The following PAPSS2 variants were observed in gnomAD, a reference collection of about 807,000 sequenced individuals.
PAPSS2 encodes the protein bifunctional 3'-phosphoadenosine 5'-phosphosulfate synthase 2.
Under a neutral mutation model 66.5 loss-of-function variants are expected in PAPSS2, and 61 were observed. The ratio of observed to expected loss-of-function variants is 0.92; its 90% CI spans 0.75 to 1.14. PAPSS2 has a LOEUF of 1.14. Ranked by LOEUF, PAPSS2 falls within the 50% of genes most tolerant of loss-of-function variation. The pLI is 0.00. For synonymous variants in PAPSS2, 289 were observed against 287.5 expected, an observed-to-expected ratio of 1.01 and a Z score of -0.05; for missense variants, 708 against 789.6, an observed-to-expected ratio of 0.90 and a Z score of 1.24.
intron 9 of PAPSS2, among the ~76,000 whole-genome samples, chr10:87,734,704 T>TA (rs1554868032): frequency 8.3e-5 from 10 of 120,792 alleles, no homozygotes; most frequent in Non-Finnish European, 1.6e-4. Flanking sequence ...TATATATATA[T>TA]ATGTATGTAT....
intron 1 of PAPSS2, among the ~76,000 whole-genome samples, chr10:87,671,657 A>C (rs1025475307): frequency 1.3e-5 from 2 of 152,190 alleles, no homozygotes; most frequent in African/African-American, 4.8e-5. Flanking sequence ...TGTTCTCTGG[A>C]TGTACTAGAG....
At chr10:87,736,971 C>T (rs1257000575) in intron 9 of PAPSS2, among the ~76,000 whole-genome samples, 2 of 152,166 alleles carry the variant, frequency 1.3e-5, no homozygotes, top group African/African-American at 4.8e-5. Context: ...TTGGCCCGCC[C>T]TCAGAAGTAG....
At chr10:87,698,370 A>C (rs1853261710) in intron 1 of PAPSS2, among the ~76,000 whole-genome samples, 1 of 152,126 alleles carries the variant, frequency 6.6e-6, no homozygotes, top group Non-Finnish European at 1.5e-5. Flanking sequence ...TCACAATTTT[A>C]ATTCATAAAT....
intron 8 of PAPSS2, among the ~76,000 whole-genome samples, chr10:87,726,101 C>G (rs1853656380): frequency 6.6e-6 from 1 of 152,120 alleles, no homozygotes; most frequent in Non-Finnish European, 1.5e-5. Flanking sequence ...TGAATAAGAT[C>G]TAGTATTTGA....
At chr10:87,660,287 C>A in intron 1 of PAPSS2, 1 of 588,872 alleles carries the variant, frequency 1.7e-6, no homozygotes, top group Admixed American at 3.0e-5. Context: ...TCAAGTGGGT[C>A]CGGATCTAGA....
intron 1 of PAPSS2, among the ~76,000 whole-genome samples, chr10:87,704,802 C>T (rs1003247689): frequency 1.1e-4 from 17 of 152,044 alleles, no homozygotes; most frequent in African/African-American, 4.1e-4. Flanking sequence ...CCACCCTGCA[C>T]AGCTAATTTT....
chr10:87,699,775 G>A (rs1025240163), intron 1 of PAPSS2, among the ~76,000 whole-genome samples: 3 of 150,306 alleles, frequency 2.0e-5, no homozygotes, highest in Admixed American at 6.6e-5. Flanking sequence ...ACTTGAACCC[G>A]GGACGCAGAG....
At position 87,746,459 on chromosome 10, in the gene PAPSS2, T is replaced by G. The variant is rs1382787249; in HGVS notation, c.*489T>G. 1 of 153,488 alleles carries G rather than the reference T, an allele frequency of 6.5e-6. No individual in the cohort carries two copies. The highest frequency in any genetic ancestry group is 1.4e-5 in the Non-Finnish European group (1 of 69,124). The allele number at this position is 153,488 out of a possible 1,614,324, so 9.5% of individuals were successfully genotyped here. A position where few individuals can be genotyped will look rare whatever the true frequency, so the allele number is the denominator to read the frequency against. ...AAAAGAGGTGTGGCTCACATCAAGA[T>G]TCTTCCTGATATTTTACCTCATGCT... On this transcript the variant is annotated 3_prime_UTR_variant, in exon 13 of 13. Coordinates refer to ENST00000456849, the MANE Select transcript of PAPSS2 (RefSeq NM_001015880.2).
At chr10:87,708,761 T>C (rs184556967) in intron 1 of PAPSS2, among the ~76,000 whole-genome samples, 2 of 152,392 alleles carry the variant, frequency 1.3e-5, no homozygotes, top group African/African-American at 4.8e-5. Context: ...AATGTTATTC[T>C]GTTTGCCAAT....
intron 9 of PAPSS2, among the ~76,000 whole-genome samples, chr10:87,738,111 C>G (rs1407537948): frequency 1.3e-5 from 2 of 152,060 alleles, no homozygotes; most frequent in Non-Finnish European, 2.9e-5. Flanking sequence ...TTTTATTTAC[C>G]CATTCATCCA....
chr10:87,719,314 C>T (rs1853568345), intron 7 of PAPSS2, among the ~76,000 whole-genome samples: 2 of 152,156 alleles, frequency 1.3e-5, no homozygotes, highest in African/African-American at 4.8e-5. Context: ...TACTTAAACT[C>T]TCTGGGCTTT....
rs377265449 is a variant in PAPSS2, at chr10:87,714,827, C to T, written c.603C>T (p.Asp201=). The change falls in exon 5 of 13, where the codon GAC becomes GAT. Residue 201 remains aspartate, a synonymous_variant. Transcript: ENST00000456849. ...AAACCAATTTGTCCACAGTGAGTGA[C>T]TGTGTCCACCAGGTAGTGGAACTTC... ...VLKTNLSTVS[D]CVHQVVELLQ... is the part of the protein sequence containing the mutation. 3.7e-6 allele frequency: 6 copies of T among 1,612,460 alleles called. No homozygotes were observed. The highest frequency in any genetic ancestry group is 3.4e-6 in the Non-Finnish European group (4 of 1,178,482).
chr10:87,691,346 A>C (rs1206948982), intron 1 of PAPSS2, among the ~76,000 whole-genome samples: 1 of 152,204 alleles, frequency 6.6e-6, no homozygotes, highest in Non-Finnish European at 1.5e-5. Context: ...TCAAAGATAA[A>C]CGTGAGCAAA....
chr10:87,745,178 A>G lies in PAPSS2; in HGVS notation c.1668A>G (p.Arg556=), dbSNP rs1472690656. 1 of 1,614,074 alleles carries G rather than the reference A, an allele frequency of 6.2e-7. No individual in the cohort carries two copies. The highest frequency in any genetic ancestry group is 2.2e-5 in the East Asian group (1 of 44,850). The part of the protein sequence containing the change: ...GLTSVEIIPF[R]VAAYNKAKKA... ...CCTCTGTGGAAATCATTCCATTCCG[A>G]GTGGCTGCCTACAACAAAGCCAAAA... Residue 556 remains arginine (R), a synonymous_variant, in exon 12 of 13, where the codon CGA becomes CGG. Coordinates refer to ENST00000456849, the MANE Select transcript of PAPSS2 (RefSeq NM_001015880.2).
At chr10:87,698,378 A>G (rs1344651697) in intron 1 of PAPSS2, among the ~76,000 whole-genome samples, 1 of 152,154 alleles carries the variant, frequency 6.6e-6, no homozygotes, top group Non-Finnish European at 1.5e-5. Flanking sequence ...TTAATTCATA[A>G]ATTTCAGATT....
chr10:87,743,281 G>C (rs894492222), intron 10 of PAPSS2, 92 bp from the exon 11 acceptor site: 1 of 1,226,930 alleles, frequency 8.2e-7, no homozygotes, highest in Non-Finnish European at 1.2e-6. Flanking sequence ...TGAATGCACA[G>C]AACAATAAAC....
intron 1 of PAPSS2, among the ~76,000 whole-genome samples, 160 bp downstream of exon 1, chr10:87,660,168 G>A (rs1370243779): frequency 6.6e-6 from 1 of 152,142 alleles, no homozygotes; most frequent in Non-Finnish European, 1.5e-5. Flanking sequence ...AAGAGGCTCT[G>A]TGTGGAATTC....
chr10:87,734,655 A>ATGTG (rs78861321), intron 9 of PAPSS2, among the ~76,000 whole-genome samples: 109 of 93,674 alleles, frequency 1.2e-3, no homozygotes, highest in African/African-American at 4.2e-3. Flanking sequence ...ACAGAAATGA[A>ATGTG]TGTGTGTGTA....
intron 7 of PAPSS2, 108 bp from the exon 8 acceptor site, chr10:87,721,648 T>G: frequency 2.7e-6 from 2 of 727,622 alleles, no homozygotes; most frequent in South Asian, 3.4e-5. Context: ...ATTTGTATGT[T>G]GTATATGTGA....
Sources: gnomAD v4.1 joint callset for allele counts (sites outside exome capture counted in the v4.1 genomes callset) on GRCh38, gnomAD v4.1.1 for gene constraint, MANE v1.5 for transcripts, NCBI Gene and HGNC (gene_info 2026-07-23, HGNC 2026-07-21) for gene names.